The following NLGN4X variants were observed in gnomAD, a reference collection of about 807,000 sequenced individuals.
The protein encoded by NLGN4X is neuroligin-4, X-linked.
In NLGN4X, 3 loss-of-function variants were observed where a neutral mutation model predicts 40.3. The ratio of observed to expected loss-of-function variants is 0.07; its 90% confidence interval spans 0.03 to 0.19. The LOEUF (loss-of-function observed/expected upper bound fraction) is 0.19. Ranked by LOEUF, NLGN4X falls within the 10% of genes least tolerant of loss-of-function variation. The pLI is 1.00. For synonymous variants in NLGN4X, 270 were observed against 306.8 expected, an observed-to-expected ratio of 0.88 and a Z score of 1.25; for missense variants, 382 against 708.3, an observed-to-expected ratio of 0.54 and a Z score of 5.23.
intron 3 of NLGN4X, among the ~76,000 whole-genome samples, chrX:5,974,721 C>T (rs960893724): frequency 9.0e-6 from 1 of 111,698 alleles, no homozygotes; most frequent in African/African-American, 3.3e-5. Flanking sequence ...TAGTGGTTAC[C>T]TGAAAACACA....
At chrX:6,166,619 C>T (rs1295857848) in intron 1 of NLGN4X, among the ~76,000 whole-genome samples, 2 of 110,880 alleles carry the variant, frequency 1.8e-5, no homozygotes, top group East Asian at 5.7e-4. Context: ...TGCGTATCTA[C>T]CTATCATGAC....
chrX:6,010,285 G>A (rs2036211813), intron 3 of NLGN4X, among the ~76,000 whole-genome samples: 1 of 109,104 alleles, frequency 9.2e-6, no homozygotes, highest in Non-Finnish European at 1.9e-5. Context: ...ATTTGGGGGT[G>A]GGAGTGGGGG....
intron 3 of NLGN4X, among the ~76,000 whole-genome samples, chrX:5,916,820 A>G (rs6529898): frequency 0.2 from 21,780 of 111,633 alleles, 2,231 homozygotes; most frequent in African/African-American, 0.4. Flanking sequence ...GAAGCATGTG[A>G]CTATAGGGAA....
chrX:6,216,485 A>C (rs1478789951), intron 1 of NLGN4X, among the ~76,000 whole-genome samples: 1 of 112,325 alleles, frequency 8.9e-6, no homozygotes, highest in African/African-American at 3.2e-5. Flanking sequence ...CCCAAGTGTG[A>C]CCAAATGCCT....
intron 3 of NLGN4X, among the ~76,000 whole-genome samples, chrX:5,922,432 G>C (rs942225093): frequency 2.7e-5 from 3 of 112,019 alleles, no homozygotes; most frequent in Non-Finnish European, 3.8e-5. Context: ...TATATTACAT[G>C]TATTGGAACA....
At position 6,150,891 on chromosome X, in the gene NLGN4X, G is replaced by A. The variant is rs188894546; in HGVS notation, c.472+104C>T. 2.7e-4 allele frequency: 176 copies of A among 648,093 alleles called. 1 individual carries two copies. In the East Asian group the frequency reaches 5.5e-3, roughly 20 times the overall value. 53.4% of individuals were successfully genotyped at this position (648,093 alleles called of 1,213,427 possible). The stretch of plus-strand genomic sequence containing the variant: ...AAAAATAAATTAAAATAAAATAAAC[G>A]GGTTATAGAAGAGATCATGCATGAG... On this transcript the variant is annotated intron_variant, in intron 2 of 5. Transcript: ENST00000381095.
chrX:5,956,530 A>G (rs908830909), intron 3 of NLGN4X, among the ~76,000 whole-genome samples: 13 of 111,865 alleles, frequency 1.2e-4, no homozygotes, highest in African/African-American at 3.9e-4. Flanking sequence ...TTGCAATCCA[A>G]AAACCACCCA....
At chrX:6,188,688 A>G (rs976526392) in intron 1 of NLGN4X, among the ~76,000 whole-genome samples, 3 of 111,692 alleles carry the variant, frequency 2.7e-5, no homozygotes, top group Admixed American at 1.9e-4. Flanking sequence ...AACAATCTCA[A>G]TGTTCAAACT....
intron 3 of NLGN4X, among the ~76,000 whole-genome samples, chrX:5,965,658 C>A (rs1256777486): frequency 8.9e-6 from 1 of 111,757 alleles, no homozygotes; most frequent in African/African-American, 3.2e-5. Flanking sequence ...GACAGACCAC[C>A]ATTCTTCCCA....
chrX:5,890,437 C>T lies in NLGN4X; in HGVS notation c.*2380G>A. 1 of 248,163 alleles carries T rather than the reference C, an allele frequency of 4.0e-6. No individual in the cohort carries two copies. Among genetic ancestry groups the T allele is most frequent in the Non-Finnish European group, 7.4e-6 (1 of 135,763 alleles). The allele number at this position is 248,163 out of a possible 1,213,427, so 20.5% of individuals were successfully genotyped here. On this transcript the variant is annotated 3_prime_UTR_variant, in exon 6 of 6. Coordinates refer to ENST00000381095, the MANE Select transcript of NLGN4X (RefSeq NM_181332.3). ...TCACTTAACAGGAACTCTGTTTTTCCTTATTCAAATGTCACAAGCCTGACG... is the reference window on the plus strand; with the variant it reads ...TCACTTAACAGGAACTCTGTTTTTCTTTATTCAAATGTCACAAGCCTGACG...
At chrX:6,215,892 TTTGAGA>T (rs1310733978) in intron 1 of NLGN4X, among the ~76,000 whole-genome samples, 38 of 101,324 alleles carry the variant, frequency 3.8e-4, no homozygotes, top group African/African-American at 1.0e-3. Context: ...TTTTTTTTTT[TTTGAGA>T]GAGAGTCTTG....
chrX:6,192,774 G>A (rs1922660027), intron 1 of NLGN4X, among the ~76,000 whole-genome samples: 1 of 111,910 alleles, frequency 8.9e-6, no homozygotes, highest in Admixed American at 9.5e-5. Flanking sequence ...TGAACCTACT[G>A]CTCTCCCAGC....
At chrX:6,046,801 T>C (rs2037329897) in intron 2 of NLGN4X, among the ~76,000 whole-genome samples, 1 of 108,300 alleles carries the variant, frequency 9.2e-6, no homozygotes, top group Non-Finnish European at 1.9e-5. Flanking sequence ...TATATACACA[T>C]AAACACATAT....
At chrX:6,069,292 A>G (rs1341816769) in intron 2 of NLGN4X, among the ~76,000 whole-genome samples, 1 of 110,968 alleles carries the variant, frequency 9.0e-6, no homozygotes. Flanking sequence ...CGTCTCAAAA[A>G]AAAAAAAAAA....
At chrX:6,180,003 G>C (rs1257666740) in intron 1 of NLGN4X, among the ~76,000 whole-genome samples, 2 of 111,636 alleles carry the variant, frequency 1.8e-5, no homozygotes, top group Non-Finnish European at 3.8e-5. Flanking sequence ...TAATAAACAA[G>C]CAATAAACTA....
At chrX:6,224,571 T>C (rs1038900238) in intron 1 of NLGN4X, among the ~76,000 whole-genome samples, 1 of 111,515 alleles carries the variant, frequency 9.0e-6, no homozygotes, top group Non-Finnish European at 1.9e-5. Flanking sequence ...AACTTTCAAA[T>C]TCTTTCAAGT....
intron 3 of NLGN4X, among the ~76,000 whole-genome samples, chrX:5,972,000 G>A (rs1008186772): frequency 2.7e-5 from 3 of 111,753 alleles, no homozygotes; most frequent in African/African-American, 6.5e-5. Flanking sequence ...TTTGTGCTGC[G>A]AGAGCAACTT....
intron 3 of NLGN4X, among the ~76,000 whole-genome samples, chrX:6,021,024 C>G (rs1169187408): frequency 1.6e-4 from 3 of 19,232 alleles, no homozygotes. Flanking sequence ...CTCTCTCTCT[C>G]TCTCTCTCTC....
Position 5,907,845 on chromosome X carries a change from G to A in NLGN4X, c.811+1209C>T, listed in dbSNP as rs935552820. 8.4e-5 allele frequency among the ~76,000 whole-genome samples: 9 copies of A among 106,810 alleles called. No individual in the cohort carries two copies. In the East Asian group the frequency reaches 2.4e-3, roughly 28 times the overall value. 92.8% of individuals were successfully genotyped at this position (106,810 alleles called of 115,157 possible). On this transcript the variant is annotated intron_variant, in intron 4 of 5. Coordinates refer to ENST00000381095, the MANE Select transcript of NLGN4X (RefSeq NM_181332.3). ...GACCTGACCAGGAAGGAGGTCCTTT[G>A]GTGAAAGTCATATTTGCAGGAGAAG...
Sources: gnomAD v4.1 joint callset for allele counts (sites outside exome capture counted in the v4.1 genomes callset) on GRCh38, gnomAD v4.1.1 for gene constraint, MANE v1.5 for transcripts, NCBI Gene and HGNC (gene_info 2026-07-23, HGNC 2026-07-21) for gene names.